Variants in ZNF676 observed in about 807,000 individuals in gnomAD.
ZNF676 encodes the protein zinc finger protein 676.
Under a neutral mutation model 6.0 loss-of-function variants are expected in ZNF676, and 4 were observed. That is an observed-to-expected ratio of 0.67 (90% CI 0.33 to 1.53). The LOEUF is 1.53. Ranked by LOEUF, ZNF676 falls within the 40% of genes most tolerant of loss-of-function variation. The pLI is 0.06. For synonymous variants in ZNF676, 198 were observed against 223.1 expected (o/e 0.89, Z 1.00); for missense variants, 644 against 679.7 (o/e 0.95, Z 0.58).
intron 2 of ZNF676, among the ~76,000 whole-genome samples, chr19:22,188,343 G>C (rs1007000534): frequency 1.3e-5 from 2 of 152,096 alleles, no homozygotes; most frequent in Non-Finnish European, 2.9e-5. Flanking sequence ...ACTAAACTAG[G>C]TAGAGATGGA....
intron 1 of ZNF676, among the ~76,000 whole-genome samples, chr19:22,195,243 T>C (rs2023954733): frequency 6.6e-6 from 1 of 152,172 alleles, no homozygotes; most frequent in South Asian, 2.1e-4. Context: ...CTCACCTGTG[T>C]AGTACAAACT....
Position 22,180,107 on chromosome 19 carries a change from T to A in ZNF676, c.1610A>T (p.Glu537Val). 3 of 1,613,928 alleles carry A rather than the reference T, an allele frequency of 1.9e-6. No individual in the cohort carries two copies. The highest frequency in any genetic ancestry group is 2.5e-6 in the Non-Finnish European group (3 of 1,179,964). Residue 537 changes from glutamate (E) to valine (V), a missense_variant, in exon 3 of 3, where the codon GAA becomes GTA. Coordinates refer to ENST00000397121, the MANE Select transcript of ZNF676 (RefSeq NM_001001411.3). The part of the protein sequence containing the change: ...HTGEKPYKCE[E>V]CGKAFSRSSS... ...GGATCTGCTGAAGGCTTTGCCACAT[T>A]CTTCACATTTGTAGGGTTTCTCTCC...
chr19:22,220,455 T>G (rs1426899996), upstream of ZNF676, among the ~76,000 whole-genome samples: 4 of 135,704 alleles, frequency 2.9e-5, no homozygotes, highest in South Asian at 2.4e-4. Flanking sequence ...ACGTTTTTTG[T>G]TGGCAGTTTT....
the ZNF676 span, among the ~76,000 whole-genome samples, chr19:22,234,962 GAGAAAGAAAGAAAGAAAGAA>G: frequency 0.033 from 3,321 of 101,298 alleles, 100 homozygotes; most frequent in Admixed American, 0.046. Flanking sequence ...AAGAAAGCAA[GAGAAAGAAAGAAAGAAAGAA>G]AGAAAGAAAG....
At chr19:22,214,009 T>C (rs1217774008) in intron 1 of ZNF676, among the ~76,000 whole-genome samples, 1 of 152,228 alleles carries the variant, frequency 6.6e-6, no homozygotes, top group East Asian at 1.9e-4. Context: ...TCTTTTTAAA[T>C]GTGCCATCAA....
chr19:22,224,837 A>T, the ZNF676 span, among the ~76,000 whole-genome samples: 2 of 152,154 alleles, frequency 1.3e-5, no homozygotes, highest in Non-Finnish European at 2.9e-5. Flanking sequence ...TATCCAAAAA[A>T]ATTTTAAAAT....
At chr19:22,255,832 G>T in the ZNF676 span, among the ~76,000 whole-genome samples, 188 of 149,590 alleles carry the variant, frequency 1.3e-3, no homozygotes, top group Admixed American at 4.7e-3. Context: ...CTGCACTCCA[G>T]CCTGGGTGAC....
chr19:22,253,394 ATGATAATGTG>A, the ZNF676 span, among the ~76,000 whole-genome samples: 1,529 of 45,732 alleles, frequency 0.033, 12 homozygotes, highest in African/African-American at 0.056. Flanking sequence ...ATATATATAT[ATGATAATGTG>A]TATATATATA....
At chr19:22,226,598 C>CT in the ZNF676 span, among the ~76,000 whole-genome samples, 143,028 of 144,830 alleles carry the variant, frequency 0.99, 70,621 homozygotes, top group East Asian at 0.99. Context: ...AGGGATCTTG[C>CT]TTTTTTTTTT....
chr19:22,247,448 TA>T, the ZNF676 span, among the ~76,000 whole-genome samples: 278 of 151,826 alleles, frequency 1.8e-3, no homozygotes, highest in African/African-American at 6.4e-3. Context: ...CCTGCAATCC[TA>T]GCTACTCAGG....
the ZNF676 span, among the ~76,000 whole-genome samples, chr19:22,233,000 A>C: frequency 6.6e-6 from 1 of 152,206 alleles, no homozygotes; most frequent in Non-Finnish European, 1.5e-5. Flanking sequence ...AAAAGAAATA[A>C]TGTTAAAGGC....
upstream of ZNF676, among the ~76,000 whole-genome samples, chr19:22,197,675 G>C (rs1021231628): frequency 6.6e-6 from 1 of 152,164 alleles, no homozygotes; most frequent in Non-Finnish European, 1.5e-5. Context: ...ACCTAAGAAA[G>C]AAGGGCAGCT....
At chr19:22,241,668 G>T in the ZNF676 span, among the ~76,000 whole-genome samples, 1 of 151,654 alleles carries the variant, frequency 6.6e-6, no homozygotes, top group African/African-American at 2.4e-5. Context: ...GTCAGAATTT[G>T]CTCTGAGACC....
chr19:22,251,062 C>G, the ZNF676 span, among the ~76,000 whole-genome samples: 1 of 151,988 alleles, frequency 6.6e-6, no homozygotes, highest in Non-Finnish European at 1.5e-5. Flanking sequence ...TCTTGGGACC[C>G]CAAGAAGAGA....
intron 1 of ZNF676, among the ~76,000 whole-genome samples, chr19:22,194,266 G>A (rs2023943818): frequency 6.6e-6 from 1 of 152,148 alleles, no homozygotes; most frequent in African/African-American, 2.4e-5. Context: ...AAGAGGCAGT[G>A]TGGCATCAGA....
chr19:22,214,227 T>A (rs1386532403), intron 1 of ZNF676, among the ~76,000 whole-genome samples: 1 of 152,022 alleles, frequency 6.6e-6, no homozygotes, highest in Admixed American at 6.6e-5. Flanking sequence ...ATGTGAAAAA[T>A]GCAAGGAAAC....
At chr19:22,242,760 T>C in the ZNF676 span, among the ~76,000 whole-genome samples, 1 of 151,802 alleles carries the variant, frequency 6.6e-6, no homozygotes, top group Non-Finnish European at 1.5e-5. Flanking sequence ...GAGATGTTTC[T>C]GATTCTGTGT....
At chr19:22,181,654 A>T (rs1020765826) in intron 2 of ZNF676, 68 bp from the exon 3 acceptor site, 3 of 1,249,034 alleles carry the variant, frequency 2.4e-6, no homozygotes, top group Non-Finnish European at 3.2e-6. Flanking sequence ...TTCCAAATCT[A>T]ACCTATAAAA....
chr19:22,243,112 C>T, the ZNF676 span: 4 of 152,004 alleles, frequency 2.6e-5, no homozygotes, highest in Non-Finnish European at 5.9e-5. Context: ...GGCCCAGAGA[C>T]ATATCACAAT....
Sources: allele counts gnomAD v4.1 joint callset (sites outside exome capture counted in the v4.1 genomes callset), GRCh38; gene constraint gnomAD v4.1.1; transcripts MANE v1.5; gene names NCBI Gene and HGNC (gene_info 2026-07-23, HGNC 2026-07-21).